ZFR: variants seen among roughly 807,000 people sequenced by gnomAD.
ZFR encodes the protein zinc finger RNA-binding protein.
In ZFR, 19 loss-of-function variants were observed where a neutral mutation model predicts 130.7. That is an observed-to-expected ratio of 0.15 (90% CI 0.10 to 0.21). ZFR has a LOEUF of 0.21. Among genes scored for constraint, ZFR ranks in the 10% least tolerant of loss-of-function variants. The pLI, the probability that ZFR is intolerant of heterozygous loss-of-function variation, is 1.00. For synonymous variants in ZFR, 466 were observed against 456.9 expected (o/e 1.02, Z -0.25); for missense variants, 872 against 1,321.5 (o/e 0.66, Z 5.27).
Position 32,400,207 on chromosome 5 carries a change from G to C in ZFR, c.1517-4C>G. Reference sequence around the variant, plus strand: ...GTTGACTGCAGCTTATTACCACCTAGAAAAGTATCAAAAAGTTAAAAAAAA... The same window carrying C: ...GTTGACTGCAGCTTATTACCACCTACAAAAGTATCAAAAAGTTAAAAAAAA... On this transcript the variant is annotated splice_region_variant and splice_polypyrimidine_tract_variant and intron_variant, in intron 8 of 19. Transcript: ENST00000265069. 3 of 1,567,276 alleles carry C rather than the reference G, an allele frequency of 1.9e-6. No homozygotes were observed. The highest frequency in any genetic ancestry group is 2.6e-6 in the Non-Finnish European group (3 of 1,161,284).
At chr5:32,356,025 C>A (rs1581672360) in intron 19 of ZFR, 86 bp from the exon 20 acceptor site, 1 of 1,055,578 alleles carries the variant, frequency 9.5e-7, no homozygotes, top group South Asian at 2.3e-5. Context: ...CCAAATGCAA[C>A]CTAAAAAAGC....
chr5:32,356,586 T>G (rs548848458), intron 19 of ZFR, among the ~76,000 whole-genome samples: 1 of 152,066 alleles, frequency 6.6e-6, no homozygotes, highest in South Asian at 2.1e-4. Flanking sequence ...CTAATTTTTT[T>G]TTTTTTGTAT....
intron 19 of ZFR, among the ~76,000 whole-genome samples, chr5:32,358,938 C>T (rs1228120560): frequency 2.0e-5 from 3 of 151,778 alleles, no homozygotes; most frequent in African/African-American, 7.3e-5. Context: ...AATTCTAAAG[C>T]TTAGCCGGGC....
chr5:32,443,911 G>A (rs975703649), intron 2 of ZFR, among the ~76,000 whole-genome samples: 1 of 152,200 alleles, frequency 6.6e-6, no homozygotes, highest in Non-Finnish European at 1.5e-5. Flanking sequence ...GGCGGCGGTG[G>A]CGGCTCCGCT....
chr5:32,396,637 C>T (rs983663787), intron 10 of ZFR, among the ~76,000 whole-genome samples: 9 of 151,828 alleles, frequency 5.9e-5, no homozygotes, highest in Non-Finnish European at 1.0e-4. Flanking sequence ...ACTCGGGAGG[C>T]GGAGACAGGA....
At chr5:32,402,565 G>C (rs937174409) in intron 8 of ZFR, among the ~76,000 whole-genome samples, 1 of 150,558 alleles carries the variant, frequency 6.6e-6, no homozygotes, top group Non-Finnish European at 1.5e-5. Flanking sequence ...AGGAGAATTC[G>C]AGATCAGTCT....
At chr5:32,379,258 A>C (rs760249603) in intron 16 of ZFR, 48 bp from the exon 17 acceptor site, 17 of 1,506,278 alleles carry the variant, frequency 1.1e-5, no homozygotes, top group African/African-American at 4.1e-5. Context: ...GAAATACTGA[A>C]TATATCCCTT....
chr5:32,369,928 T>G (rs532668911), intron 17 of ZFR, among the ~76,000 whole-genome samples: 15 of 152,236 alleles, frequency 9.9e-5, no homozygotes, highest in Non-Finnish European at 1.9e-4. Flanking sequence ...CCTTACCCAT[T>G]AAGCAACTTA....
In ZFR at chr5:32,415,018, T is replaced by C. The variant is rs564609957; in HGVS notation, c.735A>G (p.Pro245=). 9 of 1,614,100 alleles carry C rather than the reference T, an allele frequency of 5.6e-6. No homozygotes were observed. The Admixed American group carries it at 6.7e-5, about 12-fold the overall frequency. Residue 245 remains proline, a synonymous_variant, in exon 5 of 20, where the codon CCA becomes CCG. Transcript: ENST00000265069. ...TGTAAGTAGCACTCTGAGTATAGGA[T>C]GGCACCACAGTAGCCGCAGCTGCTA... The part of the protein sequence containing the change: ...QPVAAAATVV[P]SYTQSATYST...
chr5:32,417,573 C>T, intron 4 of ZFR, 75 bp downstream of exon 4: 1 of 1,578,424 alleles, frequency 6.3e-7, no homozygotes. Context: ...GACTCAAAAG[C>T]TTATCTTCAT....
At chr5:32,436,079 T>G (rs1395116292) in intron 2 of ZFR, among the ~76,000 whole-genome samples, 1 of 151,906 alleles carries the variant, frequency 6.6e-6, no homozygotes. Context: ...TGGCTCTCTG[T>G]TCACACAGTA....
At chr5:32,429,224 G>A (rs1754146798) in intron 2 of ZFR, among the ~76,000 whole-genome samples, 1 of 152,116 alleles carries the variant, frequency 6.6e-6, no homozygotes, top group Admixed American at 6.5e-5. Context: ...CTGACCTCGT[G>A]ATCTGCCCGG....
At chr5:32,383,350 G>C (rs1752973127) in intron 15 of ZFR, among the ~76,000 whole-genome samples, 1 of 152,140 alleles carries the variant, frequency 6.6e-6, no homozygotes, top group Non-Finnish European at 1.5e-5. Flanking sequence ...CTTTGGACCG[G>C]GCCTGATAAG....
rs144951081 is a variant in ZFR at position 32,412,217 on chromosome 5, C to T, written c.784+2752G>A. Among the ~76,000 whole-genome samples, 602 of 152,234 alleles carry T rather than the reference C, an allele frequency of 4.0e-3. 2 individuals are homozygous for T. The highest frequency in any genetic ancestry group is 0.014 in the Middle Eastern group (4 of 294). ...GCACAGCTTTAACCAGTAAAGCCAG[C>T]ATCAATAGGAATAAACAAACATTAC... is the stretch of plus-strand genomic sequence containing the variant. On this transcript the variant is annotated intron_variant, in intron 5 of 19. Coordinates refer to ENST00000265069, the MANE Select transcript of ZFR (RefSeq NM_016107.5).
chr5:32,379,060 A>G, intron 17 of ZFR, 55 bp downstream of exon 17: 1 of 1,312,068 alleles, frequency 7.6e-7, no homozygotes, highest in South Asian at 1.2e-5. Context: ...AGAGGATAAA[A>G]GCTGCAGAAT....
intron 17 of ZFR, among the ~76,000 whole-genome samples, chr5:32,366,959 A>AT (rs1440338107): frequency 6.6e-6 from 1 of 151,396 alleles, no homozygotes; most frequent in African/African-American, 2.4e-5. Context: ...AGGCACGATC[A>AT]TAGCACACTG....
chr5:32,387,493 G>C, intron 14 of ZFR, 56 bp downstream of exon 14: 1 of 1,586,408 alleles, frequency 6.3e-7, no homozygotes, highest in Non-Finnish European at 8.6e-7. Context: ...AGTCAGTCCC[G>C]CCAAAAACTT....
chr5:32,423,443 T>C (rs2111831765), intron 2 of ZFR, among the ~76,000 whole-genome samples: 1 of 152,180 alleles, frequency 6.6e-6, no homozygotes, highest in South Asian at 2.1e-4. Context: ...AGAATGACCA[T>C]GTGGGAAATG....
At chr5:32,388,389 T>C (rs1467438459) in intron 13 of ZFR, 80 bp downstream of exon 13, 2 of 1,330,090 alleles carry the variant, frequency 1.5e-6, no homozygotes, top group African/African-American at 1.5e-5. Flanking sequence ...GAGTTACCAG[T>C]CATAAGCTAT....
Sources: allele counts gnomAD v4.1 joint callset (sites outside exome capture counted in the v4.1 genomes callset), GRCh38; gene constraint gnomAD v4.1.1; transcripts MANE v1.5; gene names NCBI Gene and HGNC (gene_info 2026-07-23, HGNC 2026-07-21).